The following DGCR2 variants were observed in gnomAD, a reference collection of about 807,000 sequenced individuals.
The protein encoded by DGCR2 is integral membrane protein DGCR2/IDD.
A neutral mutation model predicts 51.6 loss-of-function variants in DGCR2; 24 were observed. The ratio of observed to expected loss-of-function variants is 0.47; its 90% CI spans 0.34 to 0.65. The LOEUF (loss-of-function observed/expected upper bound fraction) is 0.65. Ranked by LOEUF, DGCR2 falls within the 30% of genes least tolerant of loss-of-function variation. The pLI is 0.01. For synonymous variants in DGCR2, 340 were observed against 315.4 expected, an observed-to-expected ratio of 1.08 and a Z score of -0.82; for missense variants, 765 against 772.1, an observed-to-expected ratio of 0.99 and a Z score of 0.11.
rs369283219 is a variant in DGCR2 at position 19,098,786 on chromosome 22, G to C, written c.80-9296C>G. Among the ~76,000 whole-genome samples the C allele has an allele frequency of 1.6e-3, 244 of 152,142 alleles. 3 individuals are homozygous for C. The highest frequency in any genetic ancestry group is 5.7e-3 in the African/African-American group (236 of 41,486). The stretch of plus-strand genomic sequence containing the variant: ...ATTTTTTATTTTTAGTAAAGACAAG[G>C]TCTTGCTATGTTGCCCAGGCTGGTC... On this transcript the variant is annotated intron_variant, in intron 1 of 9. Coordinates refer to ENST00000263196, the MANE Select transcript of DGCR2 (RefSeq NM_005137.3).
chr22:19,059,000 G>A (rs752554776), intron 5 of DGCR2, among the ~76,000 whole-genome samples: 2 of 152,216 alleles, frequency 1.3e-5, no homozygotes, highest in Non-Finnish European at 2.9e-5. Flanking sequence ...ATGCCTACCC[G>A]AGGTGCAGCC....
intron 2 of DGCR2, among the ~76,000 whole-genome samples, chr22:19,081,217 G>A (rs991528966): frequency 6.6e-6 from 1 of 152,086 alleles, no homozygotes; most frequent in African/African-American, 2.4e-5. Context: ...AGTTGTGAGC[G>A]ACCTCCCCAC....
chr22:19,087,090 CTA>C (rs1601261018), intron 2 of DGCR2, among the ~76,000 whole-genome samples: 2 of 152,346 alleles, frequency 1.3e-5, no homozygotes, highest in African/African-American at 2.4e-5. Flanking sequence ...AGGTCTCACT[CTA>C]TGAGTCAGAC....
chr22:19,084,637 C>T (rs575589349), intron 2 of DGCR2, among the ~76,000 whole-genome samples: 5 of 148,754 alleles, frequency 3.4e-5, no homozygotes, highest in Admixed American at 1.3e-4. Context: ...GGAGCGTCTC[C>T]GCCCGGCAGC....
At chr22:19,089,619 AC>A in intron 1 of DGCR2, 129 bp from the exon 2 acceptor site, 1 of 1,130,368 alleles carries the variant, frequency 8.8e-7, no homozygotes, top group Non-Finnish European at 1.2e-6. Context: ...TCATTCTGTC[AC>A]CCAGGCTGGA....
intron 1 of DGCR2, among the ~76,000 whole-genome samples, chr22:19,104,090 G>A (rs1385934469): frequency 6.6e-6 from 1 of 152,072 alleles, no homozygotes; most frequent in African/African-American, 2.4e-5. Context: ...GAGCAATGAT[G>A]TCATCACATA....
intron 5 of DGCR2, among the ~76,000 whole-genome samples, chr22:19,062,592 G>T (rs2082677179): frequency 6.6e-6 from 1 of 152,094 alleles, no homozygotes. Flanking sequence ...GGCGGCAGCT[G>T]GAGAAGGCAC....
chr22:19,069,466 C>T (rs5993493), intron 2 of DGCR2, among the ~76,000 whole-genome samples: 62,611 of 152,056 alleles, frequency 0.41, 13,339 homozygotes, highest in African/African-American at 0.53. Flanking sequence ...CAATAAACAA[C>T]AAAGGCCATA....
At chr22:19,104,577 ATTCCAGCCCAT>A (rs2083241929) in intron 1 of DGCR2, among the ~76,000 whole-genome samples, 2 of 152,206 alleles carry the variant, frequency 1.3e-5, no homozygotes, top group Non-Finnish European at 2.9e-5. Flanking sequence ...TGCAGGAGAA[ATTCCAGCCCAT>A]CTGCTCGCAC....
chr22:19,070,731 A>G (rs1051670855), intron 2 of DGCR2, among the ~76,000 whole-genome samples: 2 of 152,260 alleles, frequency 1.3e-5, no homozygotes, highest in African/African-American at 4.8e-5. Context: ...CTCTGGGTTT[A>G]GGTGGCAATT....
intron 1 of DGCR2, among the ~76,000 whole-genome samples, chr22:19,109,202 A>G (rs995928772): frequency 4.6e-5 from 7 of 152,178 alleles, no homozygotes; most frequent in African/African-American, 1.7e-4. Flanking sequence ...AGGAATGTAA[A>G]ATGGTACAGT....
Position 19,103,285 on chromosome 22 carries a change from A to T in DGCR2, c.80-13795T>A, listed in dbSNP as rs1365557852. ...GTATAGAGTTACCGTTTGGGATGAT[A>T]AAAAAAAAAAAAAGTTCTGGAAATG... On this transcript the variant is annotated intron_variant, in intron 1 of 9. Transcript: ENST00000263196. Among the ~76,000 whole-genome samples the T allele has an allele frequency of 8.4e-5, 8 of 95,522 alleles. No individual in the cohort carries two copies. The East Asian group carries it at 2.1e-3, about 26-fold the overall frequency. 62.7% of individuals were successfully genotyped at this position (95,522 alleles called of 152,430 possible).
chr22:19,050,463 G>C (rs1201038640), intron 6 of DGCR2, among the ~76,000 whole-genome samples: 1 of 152,200 alleles, frequency 6.6e-6, no homozygotes, highest in African/African-American at 2.4e-5. Context: ...AACACTAAAG[G>C]AAGTTTTTCA....
chr22:19,082,064 GTTT>G (rs544889246), intron 2 of DGCR2, among the ~76,000 whole-genome samples: 3 of 103,826 alleles, frequency 2.9e-5, no homozygotes, highest in East Asian at 2.7e-4. Context: ...GGTTTTTTTT[GTTT>G]TTTTTTTTTT....
intron 1 of DGCR2, among the ~76,000 whole-genome samples, chr22:19,112,575 C>T (rs2083328708): frequency 1.4e-5 from 2 of 143,548 alleles, no homozygotes; most frequent in South Asian, 4.9e-4. Flanking sequence ...CTCCAAGTAG[C>T]TGGGACTACA....
intron 1 of DGCR2, among the ~76,000 whole-genome samples, chr22:19,117,898 A>G (rs1022709392): frequency 6.6e-6 from 1 of 152,242 alleles, no homozygotes; most frequent in South Asian, 2.1e-4. Context: ...CAAACTCTAC[A>G]AAGTGTCACA....
chr22:19,073,217 C>T (rs575819979), intron 2 of DGCR2, among the ~76,000 whole-genome samples: 27 of 152,264 alleles, frequency 1.8e-4, no homozygotes, highest in African/African-American at 5.3e-4. Flanking sequence ...TGAGCTATGA[C>T]CACACTAGTG....
intron 6 of DGCR2, among the ~76,000 whole-genome samples, chr22:19,054,786 G>GT (rs1443461585): frequency 1.3e-5 from 2 of 151,172 alleles, no homozygotes; most frequent in African/African-American, 2.4e-5. Flanking sequence ...AGAAAAAAAT[G>GT]TAACAGGCCA....
At chr22:19,090,657 A>C (rs573182565) in intron 1 of DGCR2, among the ~76,000 whole-genome samples, 1 of 152,370 alleles carries the variant, frequency 6.6e-6, no homozygotes, top group Admixed American at 6.5e-5. Flanking sequence ...AGAGAAACAG[A>C]AGCACACTGT....
Sources: allele counts gnomAD v4.1 joint callset (sites outside exome capture counted in the v4.1 genomes callset), GRCh38; gene constraint gnomAD v4.1.1; transcripts MANE v1.5; gene names NCBI Gene and HGNC (gene_info 2026-07-23, HGNC 2026-07-21).